The following USH2A variants were observed in gnomAD, a reference collection of about 807,000 sequenced individuals.
USH2A encodes the protein Usher syndrome 2A (autosomal recessive, mild).
A neutral mutation model predicts 538.9 loss-of-function variants in USH2A; 443 were observed. That is an observed-to-expected ratio of 0.82 (90% CI 0.76 to 0.89). USH2A has a LOEUF of 0.89. USH2A is among the 40% of genes least tolerant of loss of function. USH2A has a pLI of 0.00. For synonymous variants in USH2A, 2,413 were observed against 2,273.5 expected, an observed-to-expected ratio of 1.06 and a Z score of -1.75; for missense variants, 6,633 against 6,324.8, an observed-to-expected ratio of 1.05 and a Z score of -1.65.
At chr1:216,324,066 T>C in intron 7 of USH2A, 102 bp downstream of exon 7, 15 of 1,279,648 alleles carry the variant, frequency 1.2e-5, no homozygotes, top group Non-Finnish European at 1.6e-5. Flanking sequence ...TCAAGGAAGT[T>C]GGTGGTGAAG....
intron 55 of USH2A, among the ~76,000 whole-genome samples, chr1:215,771,349 G>A (rs1661277967): frequency 6.6e-6 from 1 of 151,588 alleles, no homozygotes; most frequent in Non-Finnish European, 1.5e-5. Flanking sequence ...GGGAGGCCGA[G>A]GCGGGCGGAT....
chr1:215,745,603 CA>C (rs1484703266), intron 58 of USH2A, among the ~76,000 whole-genome samples: 1 of 152,164 alleles, frequency 6.6e-6, no homozygotes, highest in Non-Finnish European at 1.5e-5. Context: ...AACGAACCCT[CA>C]AGACAATACT....
rs573926308 is a variant in USH2A at position 216,404,369 on chromosome 1, AG to A, written c.651+14144del. On this transcript the variant is annotated intron_variant, in intron 3 of 71. Transcript: ENST00000307340. ...TTTTGTAATTGAAATAGCAGGATAA[AG>A]TAGAAGGAGTCGCTCTACTAGATAT... is the stretch of plus-strand genomic sequence containing the variant. 1.8e-4 allele frequency among the ~76,000 whole-genome samples: 28 copies of A among 152,318 alleles called. No individual in the cohort carries two copies. In the South Asian group the frequency reaches 5.4e-3, roughly 29 times the overall value.
chr1:215,679,852 G>A (rs1658164823), intron 62 of USH2A, among the ~76,000 whole-genome samples: 1 of 152,208 alleles, frequency 6.6e-6, no homozygotes, highest in Admixed American at 6.5e-5. Flanking sequence ...GTAGGCTTGG[G>A]CAGTTACTTA....
rs781747754 is a variant in USH2A at position 215,639,120 on chromosome 1, T to C, written c.15052+35A>G. On this transcript the variant is annotated intron_variant, in intron 69 of 71. Transcript: ENST00000307340. ...ATGTGTGTTTCTTGAGGAAGATGAA[T>C]AGGTGCTACGCCAAGTATAATATGA... The C allele has an allele frequency of 4.4e-6, 7 of 1,592,898 alleles. No homozygotes were observed. The Admixed American group carries it at 1.0e-4, about 23-fold the overall frequency.
At chr1:215,703,518 G>A (rs1382263674) in intron 61 of USH2A, among the ~76,000 whole-genome samples, 1 of 152,198 alleles carries the variant, frequency 6.6e-6, no homozygotes, top group Non-Finnish European at 1.5e-5. Context: ...GCCTAGAGAG[G>A]AGAAATCTAG....
chr1:216,293,062 T>C (rs1334792104), intron 9 of USH2A, among the ~76,000 whole-genome samples: 1 of 150,084 alleles, frequency 6.7e-6, no homozygotes, highest in East Asian at 2.0e-4. Context: ...TCTCACTCTG[T>C]TCCCCAGGCT....
intron 55 of USH2A, among the ~76,000 whole-genome samples, chr1:215,770,988 G>T (rs187191305): frequency 6.7e-6 from 1 of 150,254 alleles, no homozygotes; most frequent in Non-Finnish European, 1.5e-5. Context: ...TTAGCCAGGC[G>T]TGGTGGTGCA....
At chr1:215,866,854 C>A (rs1006540141) in intron 44 of USH2A, among the ~76,000 whole-genome samples, 153 bp downstream of exon 44, 1 of 152,144 alleles carries the variant, frequency 6.6e-6, no homozygotes, top group African/African-American at 2.4e-5. Flanking sequence ...CTAAAGTTTT[C>A]AATGACAGCC....
chr1:215,953,527 T>C (rs989730335), intron 37 of USH2A, among the ~76,000 whole-genome samples: 1 of 152,172 alleles, frequency 6.6e-6, no homozygotes, highest in African/African-American at 2.4e-5. Context: ...AAGCTGAAAC[T>C]GGATCCCTTC....
intron 9 of USH2A, among the ~76,000 whole-genome samples, chr1:216,294,576 A>T (rs997200886): frequency 1.3e-5 from 2 of 151,554 alleles, no homozygotes; most frequent in African/African-American, 4.8e-5. Flanking sequence ...ATATATATCT[A>T]AGTATTACCT....
At chr1:215,984,661 T>A (rs1352978093) in intron 35 of USH2A, among the ~76,000 whole-genome samples, 1 of 152,248 alleles carries the variant, frequency 6.6e-6, no homozygotes, top group Non-Finnish European at 1.5e-5. Context: ...TACAATACAA[T>A]GTAAATTTAA....
chr1:216,356,141 C>T (rs1230466892), intron 4 of USH2A, among the ~76,000 whole-genome samples: 3 of 152,058 alleles, frequency 2.0e-5, no homozygotes, highest in African/African-American at 4.8e-5. Flanking sequence ...TCATGCTTTG[C>T]TTCTCAGGCA....
chr1:215,901,299 C>A (rs1225574635), intron 38 of USH2A: 1 of 307,572 alleles, frequency 3.3e-6, no homozygotes, highest in Non-Finnish European at 6.3e-6. Flanking sequence ...TCATATTCTT[C>A]CCCCCGATAT....
chr1:216,224,202 A>G (rs2035517809), intron 14 of USH2A, among the ~76,000 whole-genome samples: 1 of 152,168 alleles, frequency 6.6e-6, no homozygotes, highest in African/African-American at 2.4e-5. Context: ...GGGGTACCAG[A>G]TGAACTGGAG....
intron 9 of USH2A, among the ~76,000 whole-genome samples, chr1:216,299,808 T>TA (rs2037179576): frequency 6.6e-6 from 1 of 152,136 alleles, no homozygotes; most frequent in Admixed American, 6.5e-5. Flanking sequence ...GTATGATTTG[T>TA]AAAAAATATA....
rs772923290 is a variant in USH2A at position 215,965,307 on chromosome 1, A to G, written c.7120+10T>C. ...TGTTATTTAAAGTTTAGAAAATAAA[A>G]ACAAATTACCTGGGTCTACATAGAA... On this transcript the variant is annotated intron_variant, in intron 37 of 71. Coordinates refer to ENST00000307340, the MANE Select transcript of USH2A (RefSeq NM_206933.4). The G allele has an allele frequency of 6.2e-7, 1 of 1,610,912 alleles. No homozygotes were observed. The highest frequency in any genetic ancestry group is 1.3e-5 in the African/African-American group (1 of 74,882).
At chr1:215,730,206 T>C (rs1659953409) in intron 60 of USH2A, among the ~76,000 whole-genome samples, 1 of 152,206 alleles carries the variant, frequency 6.6e-6, no homozygotes, top group South Asian at 2.1e-4. Context: ...TCTTTTCTCA[T>C]CCAGATGTAA....
intron 58 of USH2A, among the ~76,000 whole-genome samples, chr1:215,756,894 C>T (rs1204091046): frequency 5.3e-5 from 8 of 151,510 alleles, no homozygotes; most frequent in South Asian, 4.2e-4. Context: ...GCCTGGGTGA[C>T]AGAGAGAGAG....
Sources: allele counts gnomAD v4.1 joint callset (sites outside exome capture counted in the v4.1 genomes callset), GRCh38; gene constraint gnomAD v4.1.1; transcripts MANE v1.5; gene names NCBI Gene and HGNC (gene_info 2026-07-23, HGNC 2026-07-21).